The following IFT46 variants were observed in gnomAD, a reference collection of about 807,000 sequenced individuals.
The protein encoded by IFT46 is intraflagellar transport 46.
A neutral mutation model predicts 39.6 loss-of-function variants in IFT46; 19 were observed. The ratio of observed to expected loss-of-function variants is 0.48; its 90% CI spans 0.33 to 0.70. IFT46 has a LOEUF of 0.70. Among genes scored for constraint, IFT46 ranks in the 30% least tolerant of loss-of-function variants. The pLI, the probability that IFT46 is intolerant of heterozygous loss-of-function variation, is 0.01. For missense variants in IFT46, 334 were observed against 364.8 expected (o/e 0.92, Z 0.69); for synonymous variants, 117 against 134.8 (o/e 0.87, Z 0.91).
At chr11:118,560,706 T>A (rs1457435769) in intron 2 of IFT46, 2 of 612,836 alleles carry the variant, frequency 3.3e-6, no homozygotes, top group African/African-American at 3.7e-5. Flanking sequence ...TTTATTAAAG[T>A]TGTTAAGAAT....
chr11:118,558,853 G>A (rs1317635100), intron 3 of IFT46, among the ~76,000 whole-genome samples: 1 of 151,348 alleles, frequency 6.6e-6, no homozygotes, highest in Admixed American at 6.6e-5. Context: ...AAGAGGCAGA[G>A]GTTGCAGTGA....
At chr11:118,570,167 C>A (rs1938308010), upstream of IFT46, among the ~76,000 whole-genome samples, 1 of 151,766 alleles carries the variant, frequency 6.6e-6, no homozygotes, top group Admixed American at 6.6e-5. Flanking sequence ...GATTCCCCCA[C>A]CTCAGCCTCC....
rs116617903 is a variant in IFT46, at chr11:118,557,748, T to C, written c.46-703A>G. On this transcript the variant is annotated intron_variant, in intron 3 of 11. Transcript: ENST00000264021. ...GACATTATAACCTACCTTTCTGTGC[T>C]TCTGGCTCTCTCTGTACCATCCCAC... 1.2e-3 allele frequency: 1,909 copies of C among 1,614,128 alleles called. 15 individuals carry two copies. In the African/African-American group the frequency reaches 0.019, roughly 16 times the overall value.
At chr11:118,554,610 A>T (rs782023917) in intron 6 of IFT46, 23 bp from the exon 7 acceptor site, 1 of 1,576,048 alleles carries the variant, frequency 6.3e-7, no homozygotes, top group Admixed American at 2.0e-5. Flanking sequence ...AAGGTAAGAA[A>T]GCAGAAAGGA....
chr11:118,555,366 C>A (rs554934951), intron 4 of IFT46, 44 bp from the exon 5 acceptor site: 2 of 1,464,078 alleles, frequency 1.4e-6, no homozygotes, highest in East Asian at 4.5e-5. Flanking sequence ...CAGAGAAGAG[C>A]AGAGGTGGCA....
Position 118,554,462 on chromosome 11 carries a change from G to A in IFT46, c.480C>T (p.Ile160=), listed in dbSNP as rs577746208. The change falls in exon 7 of 12, where the codon ATC becomes ATT. Residue 160 remains isoleucine, a synonymous_variant. Coordinates refer to ENST00000264021, the MANE Select transcript of IFT46 (RefSeq NM_001168618.2). ...WLTENSKQHN[I]TQHMKVKSLE... ...CTATACTAAGCTAGTATCTTACTGT[G>A]ATGTTGTGCTGCTTAGAATTCTCTG... 7 of 1,606,922 alleles carry A rather than the reference G, an allele frequency of 4.4e-6. No individual in the cohort carries two copies. Among genetic ancestry groups the A allele is most frequent in the East Asian group, 4.5e-5 (2 of 44,786 alleles).
chr11:118,549,464 C>T (rs1555067925), intron 9 of IFT46, among the ~76,000 whole-genome samples: 1 of 151,326 alleles, frequency 6.6e-6, no homozygotes, highest in African/African-American at 2.4e-5. Flanking sequence ...TTTATGGTAT[C>T]TATTGGTATG....
chr11:118,569,267 G>A (rs1938289817), upstream of IFT46, among the ~76,000 whole-genome samples: 2 of 150,530 alleles, frequency 1.3e-5, no homozygotes, highest in African/African-American at 4.9e-5. Flanking sequence ...CAACAAAAGC[G>A]AAACTCCTTC....
chr11:118,569,292 T>A (rs1207101575), upstream of IFT46, among the ~76,000 whole-genome samples: 41 of 147,398 alleles, frequency 2.8e-4, no homozygotes, highest in East Asian at 1.2e-3. Flanking sequence ...AAAAAAAAAA[T>A]TTTTTTTTTT....
At chr11:118,572,487 AG>A in intron 1 of IFT46, 1 of 1,596,186 alleles carries the variant, frequency 6.3e-7, no homozygotes, top group East Asian at 2.3e-5. Context: ...CCCGTTCCCC[AG>A]ACCCTACCCC....
chr11:118,573,929 T>G (rs1159367688), upstream of IFT46: 13 of 448,070 alleles, frequency 2.9e-5, no homozygotes, highest in Non-Finnish European at 4.8e-5. Context: ...CACCCTGGAA[T>G]TAATAATGCA....
At chr11:118,549,733 T>C (rs541935030) in intron 9 of IFT46, among the ~76,000 whole-genome samples, 19 of 151,204 alleles carry the variant, frequency 1.3e-4, no homozygotes, top group South Asian at 2.1e-4. Context: ...CCATGTTGGC[T>C]AGGATGGTCT....
upstream of IFT46, among the ~76,000 whole-genome samples, chr11:118,574,739 CAAAG>C (rs1252399350): frequency 1.3e-5 from 2 of 150,752 alleles, no homozygotes; most frequent in Non-Finnish European, 3.0e-5. Flanking sequence ...AAATAAAGTA[CAAAG>C]AAAGGCATCT....
At chr11:118,545,880 T>C (rs1555067011) in intron 9 of IFT46, 27 bp from the exon 10 acceptor site, 1 of 1,608,218 alleles carries the variant, frequency 6.2e-7, no homozygotes, top group Admixed American at 1.7e-5. Flanking sequence ...AGGACCAAAG[T>C]CAAAAGGATG....
At chr11:118,575,159 T>C (rs1307284486), upstream of IFT46, among the ~76,000 whole-genome samples, 1 of 152,100 alleles carries the variant, frequency 6.6e-6, no homozygotes, top group African/African-American at 2.4e-5. Flanking sequence ...TTTGTATTTT[T>C]AGTAGATACG....
chr11:118,570,999 C>T (rs1352609986), upstream of IFT46, among the ~76,000 whole-genome samples: 2 of 152,044 alleles, frequency 1.3e-5, no homozygotes, highest in Non-Finnish European at 2.9e-5. Context: ...ACTCAGCCTC[C>T]CAAGTAGCTG....
chr11:118,552,349 G>C lies in IFT46; in HGVS notation c.484-14C>G, dbSNP rs1555068681. The stretch of plus-strand genomic sequence containing the variant: ...TTTCATATGTTGCTAGGAAAGTAAG[G>C]AGAAAGCCTAGCTGATGGCACTGAA... On this transcript the variant is annotated splice_polypyrimidine_tract_variant and intron_variant, in intron 7 of 11. Transcript: ENST00000264021. 6.2e-7 allele frequency: 1 copy of C among 1,613,750 alleles called. No homozygotes were observed. Among genetic ancestry groups the C allele is most frequent in the Non-Finnish European group, 8.5e-7 (1 of 1,179,884 alleles).
At chr11:118,569,825 G>A (rs925826795), upstream of IFT46, among the ~76,000 whole-genome samples, 2 of 152,144 alleles carry the variant, frequency 1.3e-5, no homozygotes, top group African/African-American at 4.8e-5. Flanking sequence ...ATAAATGTTA[G>A]GGAACACACA....
At chr11:118,554,666 T>C in intron 6 of IFT46, 79 bp from the exon 7 acceptor site, 3 of 1,419,748 alleles carry the variant, frequency 2.1e-6, no homozygotes, top group Non-Finnish European at 2.9e-6. Flanking sequence ...TGGTTCATCA[T>C]TATTACTAGT....
Sources: allele counts gnomAD v4.1 joint callset (sites outside exome capture counted in the v4.1 genomes callset), GRCh38; gene constraint gnomAD v4.1.1; transcripts MANE v1.5; gene names NCBI Gene and HGNC (gene_info 2026-07-23, HGNC 2026-07-21).